The following SDCCAG8 variants were observed in gnomAD, a reference collection of about 807,000 sequenced individuals.
SDCCAG8 encodes serologically defined colon cancer antigen 8.
In SDCCAG8, 74 loss-of-function variants were observed where a neutral mutation model predicts 101.8. The observed-to-expected ratio is 0.73, with a 90% CI of 0.60 to 0.88. The LOEUF (loss-of-function observed/expected upper bound fraction) is 0.88. Among genes scored for constraint, SDCCAG8 ranks in the 40% least tolerant of loss-of-function variants. The pLI is 0.00. For synonymous variants in SDCCAG8, 281 were observed against 292.9 expected (o/e 0.96, Z 0.41); for missense variants, 787 against 822.6 (o/e 0.96, Z 0.53).
chr1:243,263,270 C>T (rs1286829183), intron 1 of SDCCAG8, among the ~76,000 whole-genome samples: 1 of 152,028 alleles, frequency 6.6e-6, no homozygotes, highest in Non-Finnish European at 1.5e-5. Context: ...TGCTGCTGGC[C>T]TCTGGTAGGC....
intron 16 of SDCCAG8, among the ~76,000 whole-genome samples, chr1:243,483,990 G>A (rs923161690): frequency 3.9e-5 from 6 of 152,092 alleles, no homozygotes; most frequent in African/African-American, 1.4e-4. Context: ...TCATGGTCTC[G>A]CCTCCCAGCA....
chr1:243,291,712 C>T (rs1011190263), intron 5 of SDCCAG8, among the ~76,000 whole-genome samples: 4 of 152,174 alleles, frequency 2.6e-5, no homozygotes, highest in African/African-American at 9.7e-5. Flanking sequence ...TTCTCCTACA[C>T]CTGGCCATTC....
intron 11 of SDCCAG8, among the ~76,000 whole-genome samples, chr1:243,343,984 T>G (rs2075541503): frequency 6.6e-6 from 1 of 152,264 alleles, no homozygotes; most frequent in Non-Finnish European, 1.5e-5. Flanking sequence ...CTTAAATTCC[T>G]TAGTTATGCA....
intron 16 of SDCCAG8, among the ~76,000 whole-genome samples, chr1:243,447,025 G>A (rs1437963055): frequency 1.3e-5 from 2 of 152,096 alleles, no homozygotes; most frequent in African/African-American, 4.8e-5. Flanking sequence ...GCTGAGGCGG[G>A]CAGATCACCT....
At chr1:243,348,177 A>G (rs1573471959) in intron 12 of SDCCAG8, among the ~76,000 whole-genome samples, 2 of 147,150 alleles carry the variant, frequency 1.4e-5, no homozygotes, top group Non-Finnish European at 3.0e-5. Flanking sequence ...CTGGGACCAC[A>G]GGCGCCCACG....
chr1:243,316,683 T>C, intron 8 of SDCCAG8, 72 bp from the exon 9 acceptor site: 1 of 1,590,184 alleles, frequency 6.3e-7, no homozygotes, highest in Non-Finnish European at 8.6e-7. Flanking sequence ...ATTAATGCTT[T>C]TCTCTCCCTG....
Position 243,492,899 on chromosome 1 carries a change from C to T in SDCCAG8, c.2112+3759C>T, listed in dbSNP as rs531010106. On this transcript the variant is annotated intron_variant, in intron 17 of 17. Transcript: ENST00000366541. Reference sequence around the variant, plus strand: ...TGGCATTACAGGCATGAGCTTTGCCCGGCCTCTTGGCTTGTTCTTAGTTTA... The same window carrying T: ...TGGCATTACAGGCATGAGCTTTGCCTGGCCTCTTGGCTTGTTCTTAGTTTA... 5.9e-5 allele frequency among the ~76,000 whole-genome samples: 9 copies of T among 152,190 alleles called. No homozygotes were observed. The South Asian group carries it at 6.2e-4, about 11-fold the overall frequency.
intron 5 of SDCCAG8, among the ~76,000 whole-genome samples, chr1:243,287,255 T>G (rs1317474874): frequency 1.3e-5 from 2 of 152,260 alleles, no homozygotes; most frequent in African/African-American, 4.8e-5. Context: ...TGGGACAAAT[T>G]CAACTTTCCA....
intron 10 of SDCCAG8, 141 bp downstream of exon 10, chr1:243,330,833 T>C: frequency 3.9e-6 from 3 of 762,650 alleles, no homozygotes; most frequent in Admixed American, 5.5e-5. Context: ...TTCGTATAAT[T>C]TAGAATTCAT....
intron 9 of SDCCAG8, among the ~76,000 whole-genome samples, chr1:243,321,027 T>C (rs1399230934): frequency 6.6e-6 from 1 of 152,226 alleles, no homozygotes; most frequent in Non-Finnish European, 1.5e-5. Context: ...TTTTGGGCTA[T>C]GTAACTCTTT....
intron 16 of SDCCAG8, among the ~76,000 whole-genome samples, chr1:243,482,260 T>C (rs914978605): frequency 2.0e-5 from 3 of 152,222 alleles, no homozygotes; most frequent in Non-Finnish European, 4.4e-5. Flanking sequence ...AAGCCTTGCA[T>C]ATTTTTTTAA....
chr1:243,499,909 G>T lies in SDCCAG8; in HGVS notation c.*124G>T. 1 of 910,340 alleles carries T rather than the reference G, an allele frequency of 1.1e-6. No homozygotes were observed. The highest frequency in any genetic ancestry group is 1.8e-6 in the Non-Finnish European group (1 of 565,708). 56.4% of individuals were successfully genotyped at this position (910,340 alleles called of 1,614,324 possible). The stretch of plus-strand genomic sequence containing the variant: ...GTGACACCGCCTCAGCCTGCAGTGG[G>T]GCTGGTCCTCATCAACGCGGGCGCT... On this transcript the variant is annotated 3_prime_UTR_variant, in exon 18 of 18. Coordinates refer to ENST00000366541, the MANE Select transcript of SDCCAG8 (RefSeq NM_006642.5).
intron 12 of SDCCAG8, among the ~76,000 whole-genome samples, chr1:243,376,563 AC>A (rs1402755456): frequency 6.6e-6 from 1 of 152,220 alleles, no homozygotes; most frequent in Non-Finnish European, 1.5e-5. Flanking sequence ...CATAGTGCTT[AC>A]AAAAATTGTA....
chr1:243,446,454 CA>C (rs1161794020), intron 16 of SDCCAG8, among the ~76,000 whole-genome samples: 1 of 152,070 alleles, frequency 6.6e-6, no homozygotes, highest in African/African-American at 2.4e-5. Context: ...TTTATAGACA[CA>C]AGGTCTCACT....
intron 1 of SDCCAG8, among the ~76,000 whole-genome samples, chr1:243,266,468 C>T (rs971174617): frequency 6.6e-6 from 1 of 151,962 alleles, no homozygotes; most frequent in African/African-American, 2.4e-5. Flanking sequence ...AGGCACACAA[C>T]ACCACAACCT....
intron 16 of SDCCAG8, among the ~76,000 whole-genome samples, chr1:243,432,337 A>G (rs985928713): frequency 1.3e-4 from 20 of 152,194 alleles, no homozygotes; most frequent in African/African-American, 4.3e-4. Context: ...ATGAGAACAC[A>G]TGGATACTTA....
At chr1:243,339,144 A>ACCTG (rs2075233739) in intron 10 of SDCCAG8, among the ~76,000 whole-genome samples, 1 of 151,934 alleles carries the variant, frequency 6.6e-6, no homozygotes, top group Non-Finnish European at 1.5e-5. Context: ...TGGGCAGAGG[A>ACCTG]AGGGAATGAT....
At chr1:243,485,646 C>G (rs182534485) in intron 16 of SDCCAG8, among the ~76,000 whole-genome samples, 25 of 152,336 alleles carry the variant, frequency 1.6e-4, no homozygotes, top group Non-Finnish European at 3.1e-4. Context: ...TGGCTCATGC[C>G]TGTAATCCCA....
intron 10 of SDCCAG8, among the ~76,000 whole-genome samples, chr1:243,339,916 G>A (rs1202518403): frequency 6.6e-6 from 1 of 152,174 alleles, no homozygotes; most frequent in African/African-American, 2.4e-5. Context: ...ATTCCTATAT[G>A]TTCTGCTGCT....
Sources: allele counts gnomAD v4.1 joint callset (sites outside exome capture counted in the v4.1 genomes callset), GRCh38; gene constraint gnomAD v4.1.1; transcripts MANE v1.5; gene names NCBI Gene and HGNC (gene_info 2026-07-23, HGNC 2026-07-21).